CCSER1: variants seen among roughly 807,000 people sequenced by gnomAD.
The protein encoded by CCSER1 is serine-rich coiled-coil domain-containing protein 1.
CCSER1 carries 41 observed loss-of-function variants against 82.0 expected under a neutral mutation model. The ratio of observed to expected loss-of-function variants is 0.50; its 90% confidence interval spans 0.39 to 0.65. The LOEUF (loss-of-function observed/expected upper bound fraction) is 0.65, where lower values mean the gene tolerates loss of function less well. CCSER1 is among the 30% of genes least tolerant of loss of function. CCSER1 has a pLI of 0.00. For missense variants in CCSER1, 1,119 were observed against 1,064.2 expected, an observed-to-expected ratio of 1.05 and a Z score of -0.72; for synonymous variants, 414 against 383.9, an observed-to-expected ratio of 1.08 and a Z score of -0.92.
At chr4:90,405,315 A>C (rs960930197) in intron 4 of CCSER1, among the ~76,000 whole-genome samples, 2 of 152,102 alleles carry the variant, frequency 1.3e-5, no homozygotes, top group African/African-American at 4.8e-5. Context: ...AAGACAAAGA[A>C]AAAATAACTA....
At position 91,188,562 on chromosome 4, in the gene CCSER1, T is replaced by C. The variant is rs114987350; in HGVS notation, c.2217+102568T>C. The stretch of plus-strand genomic sequence containing the variant: ...CAGTAAATTGTTATTATTGTGCTTT[T>C]CATAATTAGTGATAAATATTTTTTA... On this transcript the variant is annotated intron_variant, in intron 10 of 10. Coordinates refer to ENST00000509176, the MANE Select transcript of CCSER1 (RefSeq NM_001145065.2). 4.4e-3 allele frequency among the ~76,000 whole-genome samples: 675 copies of C among 152,332 alleles called. 8 individuals are homozygous for C. Among genetic ancestry groups the C allele is most frequent in the African/African-American group, 0.015 (622 of 41,580 alleles).
intron 10 of CCSER1, among the ~76,000 whole-genome samples, chr4:91,466,735 A>G (rs944339793): frequency 6.6e-6 from 1 of 152,204 alleles, no homozygotes; most frequent in African/African-American, 2.4e-5. Flanking sequence ...GCCAAATCAT[A>G]AGTGAACTCC....
chr4:91,195,969 C>T lies in CCSER1; in HGVS notation c.2217+109975C>T, dbSNP rs533903609. The stretch of plus-strand genomic sequence containing the variant: ...TCCTGACCTCGTGATCCGCCCACCT[C>T]GGCCTCCCAAGGTGCTAGGATTACA... On this transcript the variant is annotated intron_variant, in intron 10 of 10. Coordinates refer to ENST00000509176, the MANE Select transcript of CCSER1 (RefSeq NM_001145065.2). 1.4e-4 allele frequency among the ~76,000 whole-genome samples: 22 copies of T among 152,034 alleles called. No individual in the cohort carries two copies. The South Asian group carries it at 1.9e-3, about 13-fold the overall frequency.
At chr4:91,306,890 T>A (rs1052533995) in intron 10 of CCSER1, among the ~76,000 whole-genome samples, 1 of 151,976 alleles carries the variant, frequency 6.6e-6, no homozygotes, top group African/African-American at 2.4e-5. Flanking sequence ...TGCTGCACTC[T>A]GAGGAAGGTG....
intron 10 of CCSER1, among the ~76,000 whole-genome samples, chr4:91,495,834 T>C (rs999017120): frequency 4.6e-5 from 7 of 151,646 alleles, no homozygotes; most frequent in African/African-American, 1.4e-4. Flanking sequence ...AATTTAAATA[T>C]AGCTCCGAGT....
intron 6 of CCSER1, among the ~76,000 whole-genome samples, chr4:90,635,716 G>A (rs994828407): frequency 2.0e-5 from 3 of 151,702 alleles, no homozygotes; most frequent in African/African-American, 7.2e-5. Flanking sequence ...TAGTACAATT[G>A]GGAAATTATA....
chr4:90,169,218 A>G (rs1299591683), intron 1 of CCSER1, among the ~76,000 whole-genome samples: 6 of 151,750 alleles, frequency 4.0e-5, no homozygotes, highest in African/African-American at 1.2e-4. Context: ...ACTCCTAGGT[A>G]TTTTATTCTC....
intron 10 of CCSER1, among the ~76,000 whole-genome samples, chr4:91,329,452 A>G (rs1746791141): frequency 6.6e-6 from 1 of 152,178 alleles, no homozygotes; most frequent in Admixed American, 6.5e-5. Flanking sequence ...ATCATTAAGT[A>G]TGAGTTTCCC....
intron 10 of CCSER1, among the ~76,000 whole-genome samples, chr4:91,290,948 G>A (rs1212174422): frequency 6.6e-6 from 1 of 151,512 alleles, no homozygotes; most frequent in African/African-American, 2.4e-5. Flanking sequence ...AATAATTAAT[G>A]AGCTAACTAG....
At chr4:90,446,676 T>A (rs1760703703) in intron 4 of CCSER1, among the ~76,000 whole-genome samples, 1 of 152,178 alleles carries the variant, frequency 6.6e-6, no homozygotes, top group Non-Finnish European at 1.5e-5. Flanking sequence ...CAGTTGACCC[T>A]TGAACAACAT....
At chr4:90,709,555 C>T (rs1273568278) in intron 6 of CCSER1, among the ~76,000 whole-genome samples, 4 of 151,982 alleles carry the variant, frequency 2.6e-5, no homozygotes, top group Admixed American at 1.3e-4. Context: ...TGTTCCTTCA[C>T]TAGTTTGCTG....
intron 7 of CCSER1, among the ~76,000 whole-genome samples, chr4:90,732,930 G>C (rs78123185): frequency 0.03 from 4,589 of 152,172 alleles, 93 homozygotes; most frequent in Non-Finnish European, 0.046. Context: ...CCATTCATCT[G>C]TTGATAGTCA....
rs568438548 is a variant in CCSER1, at chr4:90,817,324, T to C, written c.2094+1479T>C. On this transcript the variant is annotated intron_variant, in intron 8 of 10. Coordinates refer to ENST00000509176, the MANE Select transcript of CCSER1 (RefSeq NM_001145065.2). Reference sequence around the variant, plus strand: ...CTTGGGTAATTAACTCAGAAAAGAGTATTCTTTTTTTCTCAGCATTAGTTA... The same window carrying C: ...CTTGGGTAATTAACTCAGAAAAGAGCATTCTTTTTTTCTCAGCATTAGTTA... Among the ~76,000 whole-genome samples, 5 of 152,030 alleles carry C rather than the reference T, an allele frequency of 3.3e-5. No individual in the cohort carries two copies. The South Asian group carries it at 1.0e-3, about 32-fold the overall frequency.
At chr4:90,916,480 G>T (rs1488423231) in intron 8 of CCSER1, among the ~76,000 whole-genome samples, 1 of 152,066 alleles carries the variant, frequency 6.6e-6, no homozygotes, top group Non-Finnish European at 1.5e-5. Flanking sequence ...GCTGAAACTG[G>T]ATCCCTTCCT....
At chr4:90,810,323 T>C (rs1367189381) in intron 7 of CCSER1, among the ~76,000 whole-genome samples, 1 of 152,110 alleles carries the variant, frequency 6.6e-6, no homozygotes, top group Non-Finnish European at 1.5e-5. Flanking sequence ...GGTAATGCAA[T>C]AGAAACTATA....
intron 5 of CCSER1, among the ~76,000 whole-genome samples, chr4:90,488,489 C>T (rs959033943): frequency 3.9e-5 from 6 of 151,950 alleles, no homozygotes; most frequent in African/African-American, 7.3e-5. Flanking sequence ...CACCAGGCGA[C>T]GTCCTCTCTA....
intron 10 of CCSER1, among the ~76,000 whole-genome samples, chr4:91,234,854 C>G (rs1442600271): frequency 1.3e-5 from 2 of 152,010 alleles, no homozygotes; most frequent in African/African-American, 4.8e-5. Context: ...TAGCACACAT[C>G]TTTAGAAACT....
intron 10 of CCSER1, among the ~76,000 whole-genome samples, chr4:91,584,541 C>G (rs73836241): frequency 0.11 from 16,536 of 151,344 alleles, 925 homozygotes; most frequent in Middle Eastern, 0.18. Context: ...AATTTAGAAA[C>G]AGTATTAACC....
intron 1 of CCSER1, among the ~76,000 whole-genome samples, chr4:90,194,987 T>A (rs1269165732): frequency 6.6e-6 from 1 of 151,976 alleles, no homozygotes; most frequent in African/African-American, 2.4e-5. Context: ...AATGAAGGAA[T>A]TAGTTTGCAT....
Sources: allele counts gnomAD v4.1 joint callset (sites outside exome capture counted in the v4.1 genomes callset), GRCh38; gene constraint gnomAD v4.1.1; transcripts MANE v1.5; gene names NCBI Gene and HGNC (gene_info 2026-07-23, HGNC 2026-07-21).